Variants in SYT16 observed in about 807,000 individuals in gnomAD.
The protein encoded by SYT16 is synaptotagmin-16.
A neutral mutation model predicts 61.4 loss-of-function variants in SYT16; 42 were observed. That is an observed-to-expected ratio of 0.68 (90% CI 0.53 to 0.89). The LOEUF is 0.89. SYT16 is among the 40% of genes least tolerant of loss of function. SYT16 has a pLI of 0.00. For missense variants in SYT16, 804 were observed against 807.3 expected (o/e 1.00, Z 0.05); for synonymous variants, 314 against 302.3 (o/e 1.04, Z -0.40).
chr14:61,865,142 A>G, intron 1 of SYT16: 1 of 1,255,570 alleles, frequency 8.0e-7, no homozygotes, highest in Non-Finnish European at 1.2e-6. Flanking sequence ...AGCCACCGAT[A>G]AATGCCGCTC....
intron 1 of SYT16, among the ~76,000 whole-genome samples, chr14:61,954,170 C>T (rs998587987): frequency 3.2e-4 from 49 of 152,100 alleles, no homozygotes; most frequent in African/African-American, 1.2e-3. Context: ...TGAAATTATA[C>T]CTTTACTTTC....
At chr14:62,087,732 C>A (rs73264249) in intron 7 of SYT16, among the ~76,000 whole-genome samples, 33,712 of 152,028 alleles carry the variant, frequency 0.22, 4,528 homozygotes, top group African/African-American at 0.37. Context: ...ACTTTTCCTC[C>A]TAAGTAAGAC....
In SYT16 at chr14:62,100,576, C is replaced by T. The variant is rs776031836; in HGVS notation, c.1807C>T (p.Arg603Cys). ...CGTTTATAACAGGCGTACTATGAAG[C>T]GTAAAGAGATGATTGGCTGGATTGC... ...ISVYNRRTMKRKEMIGWIALG... is the reference protein window; with the variant it reads ...ISVYNRRTMKCKEMIGWIALG... Residue 603 changes from arginine (R) to cysteine (C), a missense_variant, in exon 8 of 8, where the codon CGT (arginine) becomes TGT (cysteine). By Grantham distance (180) the Arg-to-Cys change is radical. Coordinates refer to ENST00000683842, the MANE Select transcript of SYT16 (RefSeq NM_001367656.1). The T allele has an allele frequency of 3.1e-6, 5 of 1,613,656 alleles. No individual in the cohort carries two copies. Among genetic ancestry groups the T allele is most frequent in the African/African-American group, 2.7e-5 (2 of 74,970 alleles).
chr14:62,050,431 C>T (rs1483010601), intron 3 of SYT16, among the ~76,000 whole-genome samples: 3 of 152,130 alleles, frequency 2.0e-5, no homozygotes, highest in Admixed American at 6.5e-5. Context: ...CCTCCTTTAG[C>T]TCGGAGTAGT....
At chr14:62,054,416 A>G (rs1002616864) in intron 3 of SYT16, among the ~76,000 whole-genome samples, 3 of 144,040 alleles carry the variant, frequency 2.1e-5, no homozygotes, top group African/African-American at 5.2e-5. Flanking sequence ...GCTGGAGTGC[A>G]GTGGCATGAT....
At chr14:62,069,500 A>G in intron 3 of SYT16, 103 bp from the exon 4 acceptor site, 1 of 1,202,792 alleles carries the variant, frequency 8.3e-7, no homozygotes, top group Non-Finnish European at 1.2e-6. Flanking sequence ...CCTTCGTTCA[A>G]ACTCATTGTC....
chr14:62,046,450 T>G (rs1230969987), intron 3 of SYT16, among the ~76,000 whole-genome samples: 5 of 152,140 alleles, frequency 3.3e-5, no homozygotes, highest in Non-Finnish European at 1.5e-5. Flanking sequence ...AGAAGCTCTT[T>G]AGTTTAATTA....
intron 1 of SYT16, among the ~76,000 whole-genome samples, chr14:61,906,424 T>G (rs1418580803): frequency 2.0e-5 from 3 of 152,194 alleles, no homozygotes; most frequent in Admixed American, 6.5e-5. Flanking sequence ...ACACGAATAT[T>G]CTTAGGGCTC....
intron 2 of SYT16, among the ~76,000 whole-genome samples, chr14:61,977,122 A>G (rs554054124): frequency 6.6e-6 from 1 of 152,256 alleles, no homozygotes; most frequent in African/African-American, 2.4e-5. Flanking sequence ...TTCGTTGTCC[A>G]CATCATTATT....
At chr14:61,966,880 T>C (rs2051336033) in intron 1 of SYT16, among the ~76,000 whole-genome samples, 1 of 152,214 alleles carries the variant, frequency 6.6e-6, no homozygotes, top group African/African-American at 2.4e-5. Context: ...TGTTGTAACA[T>C]AGAAGAGTTC....
At chr14:62,060,359 G>T (rs897410078) in intron 3 of SYT16, among the ~76,000 whole-genome samples, 3 of 151,896 alleles carry the variant, frequency 2.0e-5, no homozygotes, top group Non-Finnish European at 4.4e-5. Context: ...TTTGTAATTT[G>T]TTAGTAGAAT....
intron 1 of SYT16, among the ~76,000 whole-genome samples, chr14:61,817,987 G>A (rs2045495356): frequency 6.6e-6 from 1 of 152,160 alleles, no homozygotes; most frequent in Non-Finnish European, 1.5e-5. Flanking sequence ...GCGAATTTGG[G>A]GGAGGGAGTT....
intron 1 of SYT16, among the ~76,000 whole-genome samples, chr14:61,919,633 GT>G (rs1254034468): frequency 3.3e-5 from 5 of 152,118 alleles, no homozygotes; most frequent in Non-Finnish European, 7.4e-5. Flanking sequence ...CCCTCTGCCA[GT>G]TTTAAGAACC....
chr14:61,872,833 A>G (rs2047371377), intron 1 of SYT16, among the ~76,000 whole-genome samples: 1 of 152,210 alleles, frequency 6.6e-6, no homozygotes, highest in Non-Finnish European at 1.5e-5. Flanking sequence ...TCTTGTCTGG[A>G]TGCCTAATTC....
At chr14:61,833,165 G>A (rs946879549) in intron 1 of SYT16, among the ~76,000 whole-genome samples, 1 of 152,110 alleles carries the variant, frequency 6.6e-6, no homozygotes, top group Non-Finnish European at 1.5e-5. Flanking sequence ...GGTGGTCCTG[G>A]ATCACTTTTT....
At chr14:62,050,001 G>A (rs2055195539) in intron 3 of SYT16, among the ~76,000 whole-genome samples, 1 of 152,108 alleles carries the variant, frequency 6.6e-6, no homozygotes, top group African/African-American at 2.4e-5. Context: ...TGTATTTCCT[G>A]AATTTGAATG....
At chr14:62,073,960 A>C (rs2056389950) in intron 4 of SYT16, among the ~76,000 whole-genome samples, 1 of 152,218 alleles carries the variant, frequency 6.6e-6, no homozygotes, top group Non-Finnish European at 1.5e-5. Flanking sequence ...AAGGGAAAAC[A>C]ATTGCTACCA....
intron 1 of SYT16, chr14:61,865,102 G>A: frequency 7.4e-7 from 1 of 1,349,996 alleles, no homozygotes; most frequent in Non-Finnish European, 1.1e-6. Context: ...TGACTCATCT[G>A]CTGGACTATG....
chr14:62,010,006 G>A (rs2053380411), intron 3 of SYT16, among the ~76,000 whole-genome samples: 3 of 151,982 alleles, frequency 2.0e-5, no homozygotes, highest in Admixed American at 1.3e-4. Flanking sequence ...TTGACATCCA[G>A]TACCTGTGAA....
Sources: gnomAD v4.1 joint callset for allele counts (sites outside exome capture counted in the v4.1 genomes callset) on GRCh38, gnomAD v4.1.1 for gene constraint, MANE v1.5 for transcripts, NCBI Gene and HGNC (gene_info 2026-07-23, HGNC 2026-07-21) for gene names.